The following AKR1C8 variants were observed in gnomAD, a reference collection of about 807,000 sequenced individuals.
AKR1C8 encodes aldo-keto reductase family 1 member C-like protein 1.
chr10:5,156,031 T>G, the AKR1C8 span, among the ~76,000 whole-genome samples: 2 of 152,154 alleles, frequency 1.3e-5, no homozygotes, highest in Non-Finnish European at 2.9e-5. Context: ...TATTGAGAAT[T>G]GCTTGAGGCA....
the AKR1C8 span, among the ~76,000 whole-genome samples, chr10:5,165,280 G>A: frequency 3.5e-4 from 53 of 152,120 alleles, no homozygotes; most frequent in Non-Finnish European, 5.4e-4. Context: ...TTCCACTGTG[G>A]AACATATTAT....
chr10:5,146,211 AG>A, the AKR1C8 span, among the ~76,000 whole-genome samples: 1 of 42,442 alleles, frequency 2.4e-5, no homozygotes, highest in African/African-American at 1.0e-4. Flanking sequence ...GGGTGGGGGG[AG>A]GGGGGAGGGA....
chr10:5,136,277 T>G, the AKR1C8 span, among the ~76,000 whole-genome samples: 1 of 152,136 alleles, frequency 6.6e-6, no homozygotes, highest in African/African-American at 2.4e-5. Context: ...GCCAGACACG[T>G]TGGCTCACAC....
At chr10:5,117,732 C>G in the AKR1C8 span, among the ~76,000 whole-genome samples, 1 of 152,048 alleles carries the variant, frequency 6.6e-6, no homozygotes, top group East Asian at 1.9e-4. Context: ...AAAGGAGAAC[C>G]AGCATGTTCC....
At chr10:5,181,902 T>C in the AKR1C8 span, among the ~76,000 whole-genome samples, 1 of 152,116 alleles carries the variant, frequency 6.6e-6, no homozygotes, top group Admixed American at 6.5e-5. Flanking sequence ...CACTCTCAAA[T>C]ACAAGTTTCT....
chr10:5,142,454 C>T, the AKR1C8 span, among the ~76,000 whole-genome samples: 1 of 152,134 alleles, frequency 6.6e-6, no homozygotes, highest in Non-Finnish European at 1.5e-5. Flanking sequence ...CCTACCTCAG[C>T]CTTCAACATG....
chr10:5,160,571 T>C, the AKR1C8 span, among the ~76,000 whole-genome samples: 1 of 152,160 alleles, frequency 6.6e-6, no homozygotes, highest in African/African-American at 2.4e-5. Context: ...ATCCTCAACC[T>C]GATCTCAAGG....
chr10:5,130,866 C>T, the AKR1C8 span, among the ~76,000 whole-genome samples: 2 of 151,534 alleles, frequency 1.3e-5, no homozygotes, highest in Non-Finnish European at 3.0e-5. Flanking sequence ...TATGGAACCA[C>T]AAAAGAGCCA....
chr10:5,155,074 G>A, the AKR1C8 span: 3 of 152,128 alleles, frequency 2.0e-5, no homozygotes, highest in South Asian at 2.1e-4. Context: ...TGAGGAAATG[G>A]GAGTTGTGGT....
chr10:5,149,074 A>G, the AKR1C8 span, among the ~76,000 whole-genome samples: 1 of 152,166 alleles, frequency 6.6e-6, no homozygotes, highest in East Asian at 1.9e-4. Context: ...GCTGTTATAT[A>G]TATTTAAATG....
the AKR1C8 span, chr10:5,184,907 C>T: frequency 5.1e-6 from 2 of 392,348 alleles, no homozygotes; most frequent in Non-Finnish European, 1.1e-5. Context: ...CCCAGATGAG[C>T]CCTTCCAAGC....
At chr10:5,166,426 G>A in the AKR1C8 span, among the ~76,000 whole-genome samples, 35,815 of 152,036 alleles carry the variant, frequency 0.24, 4,368 homozygotes, top group African/African-American at 0.25. Context: ...CATGGTACTG[G>A]TACCAAAACA....
At chr10:5,143,804 G>A in the AKR1C8 span, among the ~76,000 whole-genome samples, 1 of 149,792 alleles carries the variant, frequency 6.7e-6, no homozygotes, top group Non-Finnish European at 1.5e-5. Context: ...ATTGATTTTG[G>A]CAGTGGAAGT....
chr10:5,140,963 T>C, the AKR1C8 span, among the ~76,000 whole-genome samples: 1 of 152,180 alleles, frequency 6.6e-6, no homozygotes, highest in East Asian at 1.9e-4. Context: ...GAAATTTGCC[T>C]CATTGATAGA....
At chr10:5,130,793 G>A in the AKR1C8 span, among the ~76,000 whole-genome samples, 1 of 151,632 alleles carries the variant, frequency 6.6e-6, no homozygotes. Context: ...ACAAACAAAT[G>A]GAAAAACATC....
At chr10:5,167,712 T>C in the AKR1C8 span, among the ~76,000 whole-genome samples, 1 of 152,092 alleles carries the variant, frequency 6.6e-6, no homozygotes, top group Non-Finnish European at 1.5e-5. Flanking sequence ...CACACCAACA[T>C]GGCACATGTA....
chr10:5,161,182 C>T, the AKR1C8 span, among the ~76,000 whole-genome samples: 1 of 152,228 alleles, frequency 6.6e-6, no homozygotes, highest in Non-Finnish European at 1.5e-5. Context: ...ATCCTCCACA[C>T]ATCCCTACTC....
chr10:5,123,043 C>A, the AKR1C8 span, among the ~76,000 whole-genome samples: 9 of 152,272 alleles, frequency 5.9e-5, no homozygotes, highest in African/African-American at 2.2e-4. Flanking sequence ...AATAAATTGC[C>A]AACTTAATGT....
At chr10:5,177,043 C>A in the AKR1C8 span, among the ~76,000 whole-genome samples, 3 of 151,946 alleles carry the variant, frequency 2.0e-5, no homozygotes, top group Admixed American at 2.0e-4. Context: ...AGAGGGCATC[C>A]CTGTCTTGTG....
Sources: gnomAD v4.1 joint callset for allele counts (sites outside exome capture counted in the v4.1 genomes callset) on GRCh38, gnomAD v4.1.1 for gene constraint, MANE v1.5 for transcripts, NCBI Gene and HGNC (gene_info 2026-07-23, HGNC 2026-07-21) for gene names.